The following PKN2 variants were observed in gnomAD, a reference collection of about 807,000 sequenced individuals.
PKN2 encodes the protein protein kinase N2.
A neutral mutation model predicts 119.1 loss-of-function variants in PKN2; 38 were observed. That is an observed-to-expected ratio of 0.32 (90% CI 0.25 to 0.42). The LOEUF is 0.42. PKN2 is among the 10% of genes least tolerant of loss of function. PKN2 has a pLI of 1.00. For missense variants in PKN2, 850 were observed against 1,165.1 expected (o/e 0.73, Z 3.94); for synonymous variants, 390 against 384.9 (o/e 1.01, Z -0.15).
At chr1:88,800,395 C>T (rs1471808130) in intron 8 of PKN2, among the ~76,000 whole-genome samples, 1 of 152,172 alleles carries the variant, frequency 6.6e-6, no homozygotes, top group African/African-American at 2.4e-5. Flanking sequence ...CACTATATAA[C>T]TTCCCACATC....
At chr1:88,820,179 C>CAT (rs1672188468) in intron 16 of PKN2, among the ~76,000 whole-genome samples, 1 of 65,462 alleles carries the variant, frequency 1.5e-5, no homozygotes, top group African/African-American at 7.4e-5. Flanking sequence ...TTTTCAGAAA[C>CAT]CTATATATAT....
chr1:88,823,531 A>G lies in PKN2; in HGVS notation c.2343-779A>G, dbSNP rs146821400. Reference sequence around the variant, plus strand: ...AGCCTGGCCAACATGGTGAAAACCCATCTCTACTGCAAATAAAAAAAAATT... The same window carrying G: ...AGCCTGGCCAACATGGTGAAAACCCGTCTCTACTGCAAATAAAAAAAAATT... On this transcript the variant is annotated intron_variant, in intron 17 of 21. Coordinates refer to ENST00000370521, the MANE Select transcript of PKN2 (RefSeq NM_006256.4). Among the ~76,000 whole-genome samples the G allele has an allele frequency of 6.3e-3, 946 of 150,362 alleles. 7 individuals are homozygous for G. The highest frequency in any genetic ancestry group is 0.021 in the African/African-American group (862 of 40,848).
intron 7 of PKN2, among the ~76,000 whole-genome samples, chr1:88,785,802 T>C (rs892385143): frequency 5.9e-5 from 9 of 152,146 alleles, no homozygotes; most frequent in African/African-American, 2.2e-4. Context: ...GAAAAACTGA[T>C]TGATATTCAC....
intron 2 of PKN2, among the ~76,000 whole-genome samples, chr1:88,756,140 C>T (rs1669189850): frequency 6.6e-6 from 1 of 151,678 alleles, no homozygotes; most frequent in South Asian, 2.1e-4. Flanking sequence ...TTGATCTCCA[C>T]CTGCCTCGGC....
chr1:88,807,813 T>A (rs1473353846), intron 15 of PKN2, 38 bp downstream of exon 15: 1 of 1,238,932 alleles, frequency 8.1e-7, no homozygotes, highest in Non-Finnish European at 1.2e-6. Context: ...TTTTTCTGAA[T>A]TTGTAAGTTA....
chr1:88,775,267 T>C, intron 6 of PKN2, among the ~76,000 whole-genome samples: 1 of 152,138 alleles, frequency 6.6e-6, no homozygotes, highest in East Asian at 1.9e-4. Context: ...GCCTGGTCTT[T>C]CACTAAATCT....
Position 88,721,286 on chromosome 1 carries a change from A to AT in PKN2, c.49-19693dup, listed in dbSNP as rs1293770061. ...TTTCACCATATCCATACCAACATCT[A>AT]TTTTTTTTTATTTTTAAAATTATGG... On this transcript the variant is annotated intron_variant, in intron 1 of 21. Coordinates refer to ENST00000370521, the MANE Select transcript of PKN2 (RefSeq NM_006256.4). Among the ~76,000 whole-genome samples the AT allele has an allele frequency of 9.9e-5, 15 of 150,982 alleles. No individual in the cohort carries two copies. The South Asian group carries it at 1.0e-3, about 11-fold the overall frequency.
chr1:88,745,121 A>G (rs891134615), intron 2 of PKN2, among the ~76,000 whole-genome samples: 1 of 152,226 alleles, frequency 6.6e-6, no homozygotes, highest in Non-Finnish European at 1.5e-5. Context: ...TCTCAACACA[A>G]GAAGGTCTAT....
chr1:88,701,981 CAG>C (rs1381501234), intron 1 of PKN2, among the ~76,000 whole-genome samples: 4 of 152,046 alleles, frequency 2.6e-5, no homozygotes, highest in Admixed American at 2.0e-4. Flanking sequence ...TTTTTTGAGA[CAG>C]AGTCTCACTC....
intron 1 of PKN2, among the ~76,000 whole-genome samples, chr1:88,712,465 G>A (rs965034076): frequency 1.3e-5 from 2 of 152,024 alleles, no homozygotes; most frequent in Non-Finnish European, 2.9e-5. Context: ...TACCTATGGT[G>A]GAATATGACT....
chr1:88,777,562 C>G (rs1670155244), intron 6 of PKN2, among the ~76,000 whole-genome samples: 1 of 152,144 alleles, frequency 6.6e-6, no homozygotes, highest in Non-Finnish European at 1.5e-5. Context: ...AGTTGTTTGC[C>G]TAGTAACTTT....
At chr1:88,781,663 T>A (rs1202672036) in intron 6 of PKN2, among the ~76,000 whole-genome samples, 3 of 152,150 alleles carry the variant, frequency 2.0e-5, no homozygotes, top group Non-Finnish European at 4.4e-5. Context: ...TCTAGATTTT[T>A]TTCCTAAATG....
intron 2 of PKN2, among the ~76,000 whole-genome samples, chr1:88,752,440 C>T (rs1669040608): frequency 6.6e-6 from 1 of 151,948 alleles, no homozygotes; most frequent in South Asian, 2.1e-4. Context: ...TAATTTTTTT[C>T]TCATTCATGG....
chr1:88,708,430 A>T (rs1667089380), intron 1 of PKN2, among the ~76,000 whole-genome samples: 1 of 152,088 alleles, frequency 6.6e-6, no homozygotes, highest in African/African-American at 2.4e-5. Flanking sequence ...CATGGAAAAA[A>T]AATGTTTCTT....
intron 6 of PKN2, among the ~76,000 whole-genome samples, chr1:88,777,201 A>T (rs1425490602): frequency 6.6e-6 from 1 of 151,610 alleles, no homozygotes; most frequent in African/African-American, 2.4e-5. Flanking sequence ...TCTCTAGCAA[A>T]TTTTTTCATT....
chr1:88,718,270 G>C (rs1273526070), intron 1 of PKN2, among the ~76,000 whole-genome samples: 1 of 152,206 alleles, frequency 6.6e-6, no homozygotes, highest in South Asian at 2.1e-4. Context: ...CTACTCGGGG[G>C]TCAGGGACCC....
chr1:88,718,797 T>C (rs896813922), intron 1 of PKN2, among the ~76,000 whole-genome samples: 2 of 152,184 alleles, frequency 1.3e-5, no homozygotes, highest in African/African-American at 4.8e-5. Context: ...TTGGATAGCT[T>C]TCCCCCTTTA....
At chr1:88,830,342 T>C (rs1235135442) in intron 19 of PKN2, among the ~76,000 whole-genome samples, 1 of 152,140 alleles carries the variant, frequency 6.6e-6, no homozygotes, top group Admixed American at 6.6e-5. Context: ...GTTGGAAAGA[T>C]TTATTTTAGC....
intron 16 of PKN2, among the ~76,000 whole-genome samples, chr1:88,817,178 G>A (rs1672028756): frequency 1.3e-5 from 2 of 152,088 alleles, no homozygotes; most frequent in South Asian, 4.2e-4. Flanking sequence ...AAATCCAGCA[G>A]CACATCAAAA....
Sources: gnomAD v4.1 joint callset for allele counts (sites outside exome capture counted in the v4.1 genomes callset) on GRCh38, gnomAD v4.1.1 for gene constraint, MANE v1.5 for transcripts, NCBI Gene and HGNC (gene_info 2026-07-23, HGNC 2026-07-21) for gene names.